Variants in CPEB2 observed in about 807,000 individuals in gnomAD.
CPEB2 encodes cytoplasmic polyadenylation element binding protein 2.
A neutral mutation model predicts 93.6 loss-of-function variants in CPEB2; 56 were observed. The observed-to-expected ratio is 0.60, with a 90% CI of 0.48 to 0.75. The LOEUF is 0.75. Among genes scored for constraint, CPEB2 ranks in the 30% least tolerant of loss-of-function variants. The probability of loss-of-function intolerance (pLI) is 0.00; values close to 1 mark genes in which losing one functional copy is unlikely to be tolerated. For synonymous variants in CPEB2, 764 were observed against 586.3 expected (o/e 1.30, Z -4.38); for missense variants, 1,579 against 1,395.1 (o/e 1.13, Z -2.10).
intron 5 of CPEB2, 50 bp downstream of exon 5, chr4:15,033,261 G>T: frequency 1.8e-6 from 2 of 1,141,706 alleles, no homozygotes; most frequent in African/African-American, 3.1e-5. Flanking sequence ...ATGTAAAGAT[G>T]ATTTAATACA....
chr4:15,031,237 C>T (rs1726062908), intron 4 of CPEB2, among the ~76,000 whole-genome samples: 1 of 151,798 alleles, frequency 6.6e-6, no homozygotes, highest in African/African-American at 2.4e-5. Flanking sequence ...ACTTATTATG[C>T]TGAACAGTGA....
chr4:15,062,832 C>T (rs1482266533), intron 11 of CPEB2, among the ~76,000 whole-genome samples: 2 of 151,938 alleles, frequency 1.3e-5, no homozygotes, highest in African/African-American at 4.8e-5. Flanking sequence ...TTTTTAGTAG[C>T]ATTGCTTGAA....
rs1729762699 is a variant in CPEB2, at chr4:15,067,188, G to A, written c.*808G>A. ...ACTAACGAGGTGAGGTATTGCAAAT[G>A]TTCAAAAAAGCTCTCTTGAATCTAG... is the stretch of plus-strand genomic sequence containing the variant. On this transcript the variant is annotated 3_prime_UTR_variant, in exon 12 of 12. Transcript: ENST00000538197. 1 of 152,440 alleles carries A rather than the reference G, an allele frequency of 6.6e-6. No individual in the cohort carries two copies. Among genetic ancestry groups the A allele is most frequent in the Non-Finnish European group, 1.5e-5 (1 of 67,984 alleles). 9.4% of individuals were successfully genotyped at this position (152,440 alleles called of 1,614,324 possible).
chr4:15,053,174 G>A (rs1170410560), intron 7 of CPEB2, among the ~76,000 whole-genome samples: 2 of 151,900 alleles, frequency 1.3e-5, no homozygotes, highest in South Asian at 4.2e-4. Context: ...CCGCCACCAT[G>A]CCCCGCTAAT....
In CPEB2 at chr4:15,060,286, C is replaced by G. The variant is rs1489350725; in HGVS notation, c.2695+985C>G. 2.0e-5 allele frequency among the ~76,000 whole-genome samples: 3 copies of G among 152,232 alleles called. No individual in the cohort carries two copies. In the East Asian group the frequency reaches 5.8e-4, roughly 29 times the overall value. Reference sequence around the variant, plus strand: ...AATAGACTAACTCGGTATTTATTCTCAGAGCAAGGGTAAACCATTGAAGAG... The same window carrying G: ...AATAGACTAACTCGGTATTTATTCTGAGAGCAAGGGTAAACCATTGAAGAG... On this transcript the variant is annotated intron_variant, in intron 10 of 11. Coordinates refer to ENST00000538197, the MANE Select transcript of CPEB2 (RefSeq NM_001177382.2).
At chr4:15,050,115 G>T (rs2109074316) in intron 6 of CPEB2, among the ~76,000 whole-genome samples, 1 of 152,314 alleles carries the variant, frequency 6.6e-6, no homozygotes, top group South Asian at 2.1e-4. Context: ...CTGGTCCATG[G>T]TCTGTTAGGA....
At chr4:15,011,352 C>T (rs980791268) in intron 3 of CPEB2, among the ~76,000 whole-genome samples, 4 of 152,068 alleles carry the variant, frequency 2.6e-5, no homozygotes, top group African/African-American at 9.7e-5. Context: ...CCGCCCGCCT[C>T]GGCCTCCAGA....
chr4:15,049,398 C>CT (rs1728014921), intron 6 of CPEB2, among the ~76,000 whole-genome samples: 1 of 152,000 alleles, frequency 6.6e-6, no homozygotes, highest in African/African-American at 2.4e-5. Flanking sequence ...AAGTGAAAAA[C>CT]TTTCCAAAGT....
At chr4:15,049,404 A>C (rs568781082) in intron 6 of CPEB2, among the ~76,000 whole-genome samples, 3 of 152,164 alleles carry the variant, frequency 2.0e-5, no homozygotes, top group South Asian at 4.1e-4. Flanking sequence ...AAAACTTTCC[A>C]AAGTATTGTA....
At chr4:15,048,572 T>C (rs1375973295) in intron 6 of CPEB2, among the ~76,000 whole-genome samples, 1 of 152,068 alleles carries the variant, frequency 6.6e-6, no homozygotes, top group Admixed American at 6.5e-5. Flanking sequence ...GTCTCTTTTT[T>C]GTTACTTTAT....
intron 3 of CPEB2, among the ~76,000 whole-genome samples, chr4:15,012,068 A>G (rs1159891098): frequency 6.6e-6 from 1 of 152,258 alleles, no homozygotes; most frequent in Non-Finnish European, 1.5e-5. Context: ...AAAACAGTAT[A>G]TAGTTGCATA....
intron 6 of CPEB2, among the ~76,000 whole-genome samples, chr4:15,047,851 T>C (rs1727854278): frequency 6.6e-6 from 1 of 151,814 alleles, no homozygotes; most frequent in African/African-American, 2.4e-5. Flanking sequence ...ACTCTTTTTT[T>C]TTTAAATGCT....
At chr4:15,014,899 G>T (rs960422728) in intron 3 of CPEB2, among the ~76,000 whole-genome samples, 1 of 151,904 alleles carries the variant, frequency 6.6e-6, no homozygotes, top group South Asian at 2.1e-4. Flanking sequence ...TGTCATTTTT[G>T]CCCATATGGG....
At chr4:15,013,604 TTC>T (rs1317911914) in intron 3 of CPEB2, among the ~76,000 whole-genome samples, 5 of 152,086 alleles carry the variant, frequency 3.3e-5, no homozygotes, top group Admixed American at 6.6e-5. Flanking sequence ...CCAGATTTGT[TTC>T]TGTTTTTTCA....
chr4:15,039,696 A>C (rs1461285895), intron 5 of CPEB2, among the ~76,000 whole-genome samples: 1 of 152,112 alleles, frequency 6.6e-6, no homozygotes, highest in Non-Finnish European at 1.5e-5. Flanking sequence ...TGTCACTGCA[A>C]GTAACATAGA....
intron 8 of CPEB2, 38 bp from the exon 9 acceptor site, chr4:15,058,383 G>T: frequency 5.9e-6 from 7 of 1,185,218 alleles, no homozygotes; most frequent in South Asian, 2.6e-5. Context: ...AAAATCACTT[G>T]GCTTGACATA....
chr4:15,030,301 C>T (rs1408698529), intron 4 of CPEB2, among the ~76,000 whole-genome samples: 3 of 151,876 alleles, frequency 2.0e-5, no homozygotes, highest in Non-Finnish European at 4.4e-5. Context: ...ATTAAGATAG[C>T]GATTAAGAGT....
Position 15,007,366 on chromosome 4 carries a change from T to A in CPEB2, c.1724T>A (p.Met575Lys), listed in dbSNP as rs1439650487. 6.2e-7 allele frequency: 1 copy of A among 1,603,860 alleles called. No individual in the cohort carries two copies. The highest frequency in any genetic ancestry group is 8.5e-7 in the Non-Finnish European group (1 of 1,173,542). ...AGCAGTGGCTGGGGCACTGGAAGTA[T>A]GTCCTGGGGAGCAATGCATGGCAGA... ...HQSSGWGTGS[M>K]SWGAMHGRDH... Residue 575 changes from methionine to lysine, a missense_variant, in exon 2 of 12, where the codon ATG becomes AAG. Met to Lys is a moderately conservative substitution (Grantham distance 95). Around this residue, in one of 2 missense-constraint regions of CPEB2, gnomAD observed 1,411 missense variants for 1,056.0 expected, o/e 1.34. Coordinates refer to ENST00000538197, the MANE Select transcript of CPEB2 (RefSeq NM_001177382.2).
chr4:15,027,032 C>A (rs1406605578), intron 4 of CPEB2, among the ~76,000 whole-genome samples: 1 of 152,144 alleles, frequency 6.6e-6, no homozygotes, highest in Non-Finnish European at 1.5e-5. Context: ...ACCATTAACT[C>A]AACTTGACTT....
Sources: gnomAD v4.1 joint callset for allele counts (sites outside exome capture counted in the v4.1 genomes callset) on GRCh38, gnomAD v4.1.1 for gene constraint, gnomAD v4.1.1 regional missense constraint, MANE v1.5 for transcripts, NCBI Gene and HGNC (gene_info 2026-07-23, HGNC 2026-07-21) for gene names.